Variants in GFPT2 observed in about 807,000 individuals in gnomAD.
GFPT2 encodes the protein glutamine--fructose-6-phosphate transaminase 2.
In GFPT2, 62 loss-of-function variants were observed where a neutral mutation model predicts 85.6. The ratio of observed to expected loss-of-function variants is 0.72; its 90% CI spans 0.59 to 0.90. The LOEUF (loss-of-function observed/expected upper bound fraction) is 0.90. Ranked by LOEUF, GFPT2 falls within the 40% of genes least tolerant of loss-of-function variation. The pLI is 0.00. For synonymous variants in GFPT2, 368 were observed against 344.5 expected, an observed-to-expected ratio of 1.07 and a Z score of -0.75; for missense variants, 788 against 893.4, an observed-to-expected ratio of 0.88 and a Z score of 1.50.
At chr5:180,331,306 T>A in intron 5 of GFPT2, 189 bp downstream of exon 5, 2 of 593,612 alleles carry the variant, frequency 3.4e-6, no homozygotes, top group Non-Finnish European at 6.0e-6. Flanking sequence ...TGCCCTGTTA[T>A]CTCCTCAAAC....
rs773009551 is a variant in GFPT2 at position 180,324,219 on chromosome 5, C to T, written c.763G>A (p.Ala255Thr). The T allele has an allele frequency of 1.2e-6, 2 of 1,610,134 alleles. No individual in the cohort carries two copies. The highest frequency in any genetic ancestry group is 2.2e-5 in the South Asian group (2 of 90,926). The change falls in exon 9 of 19, where the codon GCC becomes ACC. Residue 255 changes from alanine (A) to threonine (T), a missense_variant. By Grantham distance (58) the Ala-to-Thr change is moderately conservative. Coordinates refer to ENST00000253778, the MANE Select transcript of GFPT2 (RefSeq NM_005110.4). The stretch of plus-strand genomic sequence containing the variant: ...TCAGAAGCAAAGAAGAATTCCACGG[C>T]CTTGTCGCCCACAGCATGCAGGCAG... ...SACLHAVGDK[A>T]VEFFFASDAS...
chr5:180,352,348 A>G, intron 1 of GFPT2: 2 of 411,984 alleles, frequency 4.9e-6, no homozygotes, highest in East Asian at 7.1e-5. Flanking sequence ...GGAAAAAAAA[A>G]AAAAAAAAAA....
chr5:180,307,446 G>C, intron 15 of GFPT2, 143 bp from the exon 16 acceptor site: 1 of 761,826 alleles, frequency 1.3e-6, no homozygotes, highest in Admixed American at 2.4e-5. Flanking sequence ...CGTTTCAAAC[G>C]TAGATTACAG....
chr5:180,338,364 T>C (rs147174850), intron 2 of GFPT2, 129 bp downstream of exon 2: 59 of 475,938 alleles, frequency 1.2e-4, no homozygotes, highest in African/African-American at 8.7e-4. Context: ...GTTATTTTTA[T>C]ATTGAAAAGA....
At chr5:180,302,619 T>G (rs760028164) in intron 17 of GFPT2, 35 bp from the exon 18 acceptor site, 1 of 1,564,100 alleles carries the variant, frequency 6.4e-7, no homozygotes, top group East Asian at 2.3e-5. Context: ...AAATAGACCC[T>G]CTCTGAAAGA....
At chr5:180,309,201 G>C (rs1228211379) in intron 15 of GFPT2, among the ~76,000 whole-genome samples, 1 of 152,004 alleles carries the variant, frequency 6.6e-6, no homozygotes, top group Non-Finnish European at 1.5e-5. Flanking sequence ...TTAGGAACTG[G>C]TCAAGCTCAT....
At chr5:180,334,757 C>T (rs1021155982) in intron 4 of GFPT2, among the ~76,000 whole-genome samples, 1 of 152,150 alleles carries the variant, frequency 6.6e-6, no homozygotes, top group African/African-American at 2.4e-5. Context: ...GAGTGGGGGA[C>T]CCCCTGGAAG....
At position 180,318,892 on chromosome 5, in the gene GFPT2, C is replaced by A; in HGVS notation, c.859G>T (p.Asp287Tyr). 1 of 1,613,948 alleles carries A rather than the reference C, an allele frequency of 6.2e-7. No individual in the cohort carries two copies. Among genetic ancestry groups the A allele is most frequent in the Non-Finnish European group, 8.5e-7 (1 of 1,179,998 alleles). Reference sequence around the variant, plus strand: ...ACCCGGTGAATGGAGAGTTTCCCATCAGCCACTGCGGCGATGTCATCGTCC... The same window carrying A: ...ACCCGGTGAATGGAGAGTTTCCCATAAGCCACTGCGGCGATGTCATCGTCC... ...LEDDDIAAVA[D>Y]GKLSIHRVKR... Residue 287 changes from aspartate to tyrosine, a missense_variant, in exon 10 of 19, where the codon GAT (aspartate) becomes TAT (tyrosine). Physicochemically the swap from Asp to Tyr is radical, Grantham distance 160. Coordinates refer to ENST00000253778, the MANE Select transcript of GFPT2 (RefSeq NM_005110.4). The surrounding 1 kb of genome is among the most constrained non-coding windows in gnomAD (Gnocchi z 4.2).
Position 180,318,965 on chromosome 5 carries a change from AG to A in GFPT2, c.795-10del. 1 of 1,610,916 alleles carries A rather than the reference AG, an allele frequency of 6.2e-7. No individual in the cohort carries two copies. Among genetic ancestry groups the A allele is most frequent in the Non-Finnish European group, 8.5e-7 (1 of 1,179,680 alleles). ...TGTGCTCTATGATAGCGCTGGGGCA[AG>A]GGAAACAGGCATCATCAGTGCCCTG... On this transcript the variant is annotated splice_polypyrimidine_tract_variant and intron_variant, in intron 9 of 18. Coordinates refer to ENST00000253778, the MANE Select transcript of GFPT2 (RefSeq NM_005110.4). The surrounding 1 kb of genome is among the most constrained non-coding windows in gnomAD (Gnocchi z 4.2).
chr5:180,315,928 GCA>G (rs1296456223), intron 13 of GFPT2, among the ~76,000 whole-genome samples: 2 of 152,208 alleles, frequency 1.3e-5, no homozygotes, highest in African/African-American at 4.8e-5. Context: ...GGACACTTGG[GCA>G]CAGAGCCCAT....
chr5:180,333,125 T>C (rs1200026259), intron 4 of GFPT2, among the ~76,000 whole-genome samples: 4 of 152,226 alleles, frequency 2.6e-5, no homozygotes, highest in African/African-American at 9.6e-5. Context: ...CTCTGTGCTC[T>C]GATCGCTTCT....
chr5:180,324,484 T>C, intron 8 of GFPT2, 179 bp from the exon 9 acceptor site: 1 of 589,210 alleles, frequency 1.7e-6, no homozygotes, highest in South Asian at 2.1e-5. Context: ...TGCAAAAGCA[T>C]TTAAATGGCT....
intron 1 of GFPT2, among the ~76,000 whole-genome samples, chr5:180,349,210 G>A (rs1057432971): frequency 6.6e-6 from 1 of 152,062 alleles, no homozygotes; most frequent in African/African-American, 2.4e-5. Context: ...GGGAGGCCGA[G>A]GTGGGAGGAT....
chr5:180,311,556 T>G (rs1763880984), intron 15 of GFPT2, among the ~76,000 whole-genome samples: 1 of 152,192 alleles, frequency 6.6e-6, no homozygotes, highest in Non-Finnish European at 1.5e-5. Flanking sequence ...AGGAAGGACC[T>G]GGGGCCATTT....
intron 9 of GFPT2, among the ~76,000 whole-genome samples, chr5:180,322,178 TA>T (rs1326840551): frequency 6.6e-6 from 1 of 152,128 alleles, no homozygotes; most frequent in Non-Finnish European, 1.5e-5. Context: ...AAATTAGTTT[TA>T]AATGTTGAGT....
chr5:180,317,586 C>CT (rs1464882925), intron 10 of GFPT2, among the ~76,000 whole-genome samples: 4 of 149,838 alleles, frequency 2.7e-5, no homozygotes, highest in Admixed American at 2.6e-4. Flanking sequence ...AGTGAAACCC[C>CT]GTCTCTACTA....
chr5:180,348,733 T>A (rs1764656949), intron 1 of GFPT2, among the ~76,000 whole-genome samples: 1 of 80,862 alleles, frequency 1.2e-5, no homozygotes, highest in African/African-American at 4.4e-5. Context: ...ATTTCTTTTC[T>A]TTTTTTTTTT....
intron 1 of GFPT2, chr5:180,352,234 C>G (rs1320062950): frequency 2.8e-6 from 1 of 362,380 alleles, no homozygotes; most frequent in East Asian, 8.1e-5. Flanking sequence ...GCGCACCCCA[C>G]CCCGGCCCTC....
rs1250196333 is a variant in GFPT2 at position 180,347,156 on chromosome 5, C to CCAGGAGAGCCGAAGG, written c.7+6040_7+6054dup. Among the ~76,000 whole-genome samples the CCAGGAGAGCCGAAGG allele has an allele frequency of 2.0e-5, 3 of 152,318 alleles. No individual in the cohort carries two copies. In the East Asian group the frequency reaches 5.8e-4, roughly 29 times the overall value. On this transcript the variant is annotated intron_variant, in intron 1 of 18. Transcript: ENST00000253778. ...CCTGCAGAGGGTTGGGATTGAGAGGCCAGGAGAGCCGAAGGCAGGAGAGCC... is the reference window on the plus strand; with the variant it reads ...CCTGCAGAGGGTTGGGATTGAGAGGCCAGGAGAGCCGAAGGCAGGAGAGCCGAAGGCAGGAGAGCC...
Sources: gnomAD v4.1 joint callset for allele counts (sites outside exome capture counted in the v4.1 genomes callset) on GRCh38, gnomAD v4.1.1 for gene constraint, Gnocchi (gnomAD v3.1) non-coding constraint, MANE v1.5 for transcripts, NCBI Gene and HGNC (gene_info 2026-07-23, HGNC 2026-07-21) for gene names.